The following FAM13A variants were observed in gnomAD, a reference collection of about 807,000 sequenced individuals.
FAM13A encodes the protein family with sequence similarity 13 member A, also known as protein FAM13A.
FAM13A carries 76 observed loss-of-function variants against 129.6 expected under a neutral mutation model. The observed-to-expected ratio is 0.59, with a 90% CI of 0.49 to 0.71. The LOEUF is 0.71. FAM13A is among the 30% of genes least tolerant of loss of function. The probability of loss-of-function intolerance (pLI) is 0.00; values close to 1 mark genes in which losing one functional copy is unlikely to be tolerated. For synonymous variants in FAM13A, 443 were observed against 449.9 expected (o/e 0.98, Z 0.20); for missense variants, 1,108 against 1,249.3 (o/e 0.89, Z 1.70).
At chr4:88,759,053 G>A (rs978057959) in intron 13 of FAM13A, 152 bp from the exon 14 acceptor site, 15 of 734,084 alleles carry the variant, frequency 2.0e-5, no homozygotes, top group East Asian at 1.1e-4. Context: ...GATGCCCCCC[G>A]GATCCTAGCT....
intron 4 of FAM13A, among the ~76,000 whole-genome samples, chr4:88,981,028 T>C (rs1761601453): frequency 6.6e-6 from 1 of 152,186 alleles, no homozygotes; most frequent in Admixed American, 6.5e-5. Flanking sequence ...GGCTTATCAT[T>C]CAAAATATGA....
At chr4:88,829,781 A>C (rs1733584048) in intron 7 of FAM13A, among the ~76,000 whole-genome samples, 1 of 152,168 alleles carries the variant, frequency 6.6e-6, no homozygotes, top group Non-Finnish European at 1.5e-5. Flanking sequence ...TTTATTGTGA[A>C]TTTATGCTGA....
intron 7 of FAM13A, among the ~76,000 whole-genome samples, chr4:88,823,532 T>G (rs1286585626): frequency 6.6e-6 from 1 of 152,210 alleles, no homozygotes; most frequent in East Asian, 1.9e-4. Context: ...AGTCCTGTAC[T>G]TCTCAACATT....
At chr4:88,884,504 C>T (rs546479770) in intron 6 of FAM13A, among the ~76,000 whole-genome samples, 4 of 152,120 alleles carry the variant, frequency 2.6e-5, no homozygotes, top group Admixed American at 2.6e-4. Context: ...CATACCTTAA[C>T]GTAATAAAAC....
chr4:88,882,688 G>C (rs571231769), intron 6 of FAM13A, among the ~76,000 whole-genome samples: 2 of 151,304 alleles, frequency 1.3e-5, no homozygotes, highest in Non-Finnish European at 2.9e-5. Context: ...GAATGTAAAT[G>C]GCATAAATGC....
chr4:88,814,791 T>C (rs191312071), intron 7 of FAM13A, among the ~76,000 whole-genome samples: 1 of 152,246 alleles, frequency 6.6e-6, no homozygotes, highest in Admixed American at 6.5e-5. Context: ...ATGATCTGAG[T>C]AAAGCAGTTC....
chr4:88,802,183 C>T (rs1205280269), intron 8 of FAM13A, among the ~76,000 whole-genome samples: 1 of 152,128 alleles, frequency 6.6e-6, no homozygotes, highest in Non-Finnish European at 1.5e-5. Flanking sequence ...GTGTGCAGGT[C>T]ATGTCTATTC....
intron 4 of FAM13A, among the ~76,000 whole-genome samples, chr4:88,950,420 A>T (rs1756763087): frequency 6.6e-6 from 1 of 152,198 alleles, no homozygotes; most frequent in Non-Finnish European, 1.5e-5. Flanking sequence ...TTGTGCCACC[A>T]TGCCCAGCTA....
chr4:88,750,645 A>T lies in FAM13A; in HGVS notation c.1727-8T>A. ...AGAAAGCAGGGATAGGCTCTGGAAG[A>T]TAAGGGCAGTAAGATCAGGACTGTT... On this transcript the variant is annotated splice_polypyrimidine_tract_variant and splice_region_variant and intron_variant, in intron 14 of 23. Coordinates refer to ENST00000264344, the MANE Select transcript of FAM13A (RefSeq NM_014883.4). 6.3e-7 allele frequency: 1 copy of T among 1,576,848 alleles called. No homozygotes were observed. Among genetic ancestry groups the T allele is most frequent in the Non-Finnish European group, 8.5e-7 (1 of 1,171,614 alleles).
chr4:88,731,960 T>C, intron 22 of FAM13A, 42 bp downstream of exon 22: 1 of 1,512,064 alleles, frequency 6.6e-7, no homozygotes, highest in Non-Finnish European at 9.0e-7. Context: ...AAGTGAGCTA[T>C]TTTTACCAAA....
chr4:88,840,488 T>C (rs989668945), intron 7 of FAM13A, among the ~76,000 whole-genome samples: 1 of 152,098 alleles, frequency 6.6e-6, no homozygotes, highest in Non-Finnish European at 1.5e-5. Flanking sequence ...AGGATGGAGG[T>C]AGCCTCCAAC....
chr4:88,756,963 T>A (rs1743776559), intron 14 of FAM13A, among the ~76,000 whole-genome samples: 1 of 152,144 alleles, frequency 6.6e-6, no homozygotes, highest in African/African-American at 2.4e-5. Context: ...AAACAAAAAG[T>A]TAAAGTTATT....
At chr4:88,971,659 A>G (rs943674268) in intron 4 of FAM13A, among the ~76,000 whole-genome samples, 2 of 152,042 alleles carry the variant, frequency 1.3e-5, no homozygotes, top group Admixed American at 1.3e-4. Context: ...AGAACACACC[A>G]CCACACCCAG....
In FAM13A at chr4:88,726,832, CTT is replaced by C. The variant is rs1458542187; in HGVS notation, c.*1699_*1700del. 1 of 152,600 alleles carries C rather than the reference CTT, an allele frequency of 6.6e-6. No individual in the cohort carries two copies. The highest frequency in any genetic ancestry group is 1.9e-4 in the East Asian group (1 of 5,198). The allele number at this position is 152,600 out of a possible 1,614,324, so 9.5% of individuals were successfully genotyped here. A position where few individuals can be genotyped will look rare whatever the true frequency, so the allele number is the denominator to read the frequency against. On this transcript the variant is annotated 3_prime_UTR_variant, in exon 24 of 24. Transcript: ENST00000264344. ...TTAAACCTGTAGGATTATGTACCGT[CTT>C]TGTGTATGGATTAAAACCAGGGCAC...
chr4:89,016,266 A>T (rs1766475025), intron 3 of FAM13A, among the ~76,000 whole-genome samples: 1 of 152,028 alleles, frequency 6.6e-6, no homozygotes, highest in South Asian at 2.1e-4. Context: ...TTAAAATTAT[A>T]TGATGAAAAC....
chr4:89,002,092 C>T (rs955908131), intron 3 of FAM13A, among the ~76,000 whole-genome samples: 1 of 148,060 alleles, frequency 6.8e-6, no homozygotes, highest in Non-Finnish European at 1.5e-5. Context: ...AGAGACAGAC[C>T]GATTATATGT....
At chr4:88,776,228 T>C (rs1366276314) in intron 11 of FAM13A, among the ~76,000 whole-genome samples, 1 of 152,216 alleles carries the variant, frequency 6.6e-6, no homozygotes, top group African/African-American at 2.4e-5. Context: ...CTATATATCC[T>C]TTTAGCCTTT....
chr4:88,920,164 A>C (rs890486586), intron 5 of FAM13A, among the ~76,000 whole-genome samples: 5 of 152,188 alleles, frequency 3.3e-5, no homozygotes, highest in African/African-American at 1.2e-4. Context: ...TGCAGACTTA[A>C]ATGTCCCTGT....
chr4:88,921,939 CAA>C (rs990519286), intron 5 of FAM13A, among the ~76,000 whole-genome samples: 2 of 151,834 alleles, frequency 1.3e-5, no homozygotes, highest in African/African-American at 4.8e-5. Flanking sequence ...CAACAAAGAT[CAA>C]AAGAGACAAA....
Sources: allele counts gnomAD v4.1 joint callset (sites outside exome capture counted in the v4.1 genomes callset), GRCh38; gene constraint gnomAD v4.1.1; transcripts MANE v1.5; gene names NCBI Gene and HGNC (gene_info 2026-07-23, HGNC 2026-07-21).